The following THSD7B variants were observed in gnomAD, a reference collection of about 807,000 sequenced individuals.
The protein encoded by THSD7B is thrombospondin type 1 domain containing 7B.
A neutral mutation model predicts 213.6 loss-of-function variants in THSD7B; 138 were observed. The observed-to-expected ratio is 0.65, with a 90% CI of 0.56 to 0.74. THSD7B has a LOEUF of 0.74. THSD7B is among the 30% of genes least tolerant of loss of function. The pLI is 0.00. For missense variants in THSD7B, 1,931 were observed against 1,991.5 expected, an observed-to-expected ratio of 0.97 and a Z score of 0.58; for synonymous variants, 742 against 687.0, an observed-to-expected ratio of 1.08 and a Z score of -1.25.
chr2:137,235,395 A>C (rs555551114), intron 9 of THSD7B, among the ~76,000 whole-genome samples: 1 of 152,276 alleles, frequency 6.6e-6, no homozygotes, highest in East Asian at 1.9e-4. Context: ...TCTTTGACCC[A>C]CTATGACAGG....
At chr2:137,209,198 A>G (rs1468899455) in intron 7 of THSD7B, among the ~76,000 whole-genome samples, 1 of 152,046 alleles carries the variant, frequency 6.6e-6, no homozygotes, top group Non-Finnish European at 1.5e-5. Flanking sequence ...ATCTTTGCAA[A>G]GGTGGTTTCA....
rs1391915073 is a variant in THSD7B, at chr2:137,356,828, AC to A, written c.2501-48784del. Among the ~76,000 whole-genome samples, 8 of 152,254 alleles carry A rather than the reference AC, an allele frequency of 5.3e-5. No individual in the cohort carries two copies. In the East Asian group the frequency reaches 1.5e-3, roughly 29 times the overall value. On this transcript the variant is annotated intron_variant, in intron 12 of 27. Coordinates refer to ENST00000409968, the MANE Select transcript of THSD7B (RefSeq NM_001316349.2). ...GGAATTGCCAAGTTAATCCACACTT[AC>A]TTTAAGCCTTTGTTTTGGGGTAGTT...
chr2:137,055,850 A>G (rs1409743128), intron 2 of THSD7B, among the ~76,000 whole-genome samples: 3 of 152,204 alleles, frequency 2.0e-5, no homozygotes, highest in Non-Finnish European at 2.9e-5. Context: ...ACTGAGGACA[A>G]TTATTTTGAA....
chr2:137,015,254 A>G (rs182820992), intron 2 of THSD7B, among the ~76,000 whole-genome samples: 15 of 152,246 alleles, frequency 9.9e-5, no homozygotes, highest in African/African-American at 3.6e-4. Context: ...GTTATCCAAG[A>G]AATATGGCCT....
intron 7 of THSD7B, among the ~76,000 whole-genome samples, 167 bp downstream of exon 7, chr2:137,171,105 G>A (rs974184750): frequency 6.6e-6 from 1 of 152,190 alleles, no homozygotes; most frequent in Middle Eastern, 3.4e-3. Context: ...GTAAGGTGCC[G>A]TGACTTAATA....
chr2:136,929,118 A>G (rs760070537), intron 2 of THSD7B, among the ~76,000 whole-genome samples: 20 of 152,196 alleles, frequency 1.3e-4, no homozygotes. Context: ...CTGAAATGAA[A>G]AGGACCCAGA....
chr2:136,898,320 C>A (rs1683999271), intron 2 of THSD7B, among the ~76,000 whole-genome samples: 1 of 151,990 alleles, frequency 6.6e-6, no homozygotes, highest in Non-Finnish European at 1.5e-5. Context: ...TCTTTAAATT[C>A]TGCTTTTAGA....
chr2:137,370,326 T>C (rs1464396932), intron 12 of THSD7B, among the ~76,000 whole-genome samples: 1 of 152,194 alleles, frequency 6.6e-6, no homozygotes, highest in African/African-American at 2.4e-5. Context: ...TATGACTCCA[T>C]TTGTTCTCCC....
chr2:137,047,684 G>A (rs1686995205), intron 2 of THSD7B, among the ~76,000 whole-genome samples: 1 of 152,148 alleles, frequency 6.6e-6, no homozygotes, highest in Admixed American at 6.5e-5. Flanking sequence ...CCAGGTTGTT[G>A]CTTTGAGGTA....
intron 4 of THSD7B, among the ~76,000 whole-genome samples, chr2:137,101,155 A>G (rs1688142592): frequency 6.6e-6 from 1 of 152,122 alleles, no homozygotes; most frequent in African/African-American, 2.4e-5. Flanking sequence ...CTCCCACCTC[A>G]GCCTCCCAAG....
intron 4 of THSD7B, among the ~76,000 whole-genome samples, chr2:137,104,089 G>A: frequency 6.6e-6 from 1 of 152,068 alleles, no homozygotes; most frequent in East Asian, 1.9e-4. Flanking sequence ...ATTCTTCTCA[G>A]CACCACATCA....
At chr2:137,093,021 T>A (rs946279502) in intron 3 of THSD7B, among the ~76,000 whole-genome samples, 2 of 152,202 alleles carry the variant, frequency 1.3e-5, no homozygotes, top group East Asian at 1.9e-4. Context: ...CTTTTTTTAG[T>A]TTACATTCTT....
At chr2:136,863,977 T>G (rs940172061) in intron 1 of THSD7B, among the ~76,000 whole-genome samples, 2 of 152,220 alleles carry the variant, frequency 1.3e-5, no homozygotes. Flanking sequence ...ATGGTGGCTC[T>G]GTGTTTAGAT....
chr2:136,974,856 C>T (rs1322278589), intron 2 of THSD7B, among the ~76,000 whole-genome samples: 1 of 152,118 alleles, frequency 6.6e-6, no homozygotes, highest in East Asian at 1.9e-4. Flanking sequence ...GGTTTACCAG[C>T]ATTTGTTGTT....
At chr2:137,281,632 C>G (rs1683017691) in intron 12 of THSD7B, among the ~76,000 whole-genome samples, 1 of 151,366 alleles carries the variant, frequency 6.6e-6, no homozygotes, top group African/African-American at 2.4e-5. Flanking sequence ...CAATTCCCAC[C>G]TATGAGTGAG....
At chr2:137,602,239 A>G (rs756906333) in intron 17 of THSD7B, among the ~76,000 whole-genome samples, 1 of 151,448 alleles carries the variant, frequency 6.6e-6, no homozygotes, top group Non-Finnish European at 1.5e-5. Context: ...AAAGACATTT[A>G]TTTTCTTTCT....
chr2:137,235,656 A>C (rs1681747877), intron 9 of THSD7B, among the ~76,000 whole-genome samples: 1 of 152,236 alleles, frequency 6.6e-6, no homozygotes, highest in Non-Finnish European at 1.5e-5. Context: ...GAAAAAAATC[A>C]CAGGAACAGA....
At position 137,056,989 on chromosome 2, in the gene THSD7B, G is replaced by A; in HGVS notation, c.709G>A (p.Glu237Lys). 1 of 1,613,966 alleles carries A rather than the reference G, an allele frequency of 6.2e-7. No individual in the cohort carries two copies. The highest frequency in any genetic ancestry group is 8.5e-7 in the Non-Finnish European group (1 of 1,179,884). The change falls in exon 3 of 28, where the codon GAG becomes AAG. Residue 237 changes from glutamate to lysine, a missense_variant. Glu to Lys is a moderately conservative substitution (Grantham distance 56, BLOSUM62 1). Coordinates refer to ENST00000409968, the MANE Select transcript of THSD7B (RefSeq NM_001316349.2). ...DAPISCPLGE[E>K]EYTFSLKVGP... ...TCCCATTTCCTGTCCTCTTGGGGAA[G>A]AGGAATATACATTTAGCCTTAAGGT...
At chr2:136,825,568 T>G (rs1682632127) in intron 1 of THSD7B, among the ~76,000 whole-genome samples, 1 of 152,096 alleles carries the variant, frequency 6.6e-6, no homozygotes, top group South Asian at 2.1e-4. Flanking sequence ...TCTCTTTCTT[T>G]TTTTTAGACA....
Sources: gnomAD v4.1 joint callset for allele counts (sites outside exome capture counted in the v4.1 genomes callset) on GRCh38, gnomAD v4.1.1 for gene constraint, MANE v1.5 for transcripts, NCBI Gene and HGNC (gene_info 2026-07-23, HGNC 2026-07-21) for gene names.